The following TOX2 variants were observed in gnomAD, a reference collection of about 807,000 sequenced individuals.
TOX2 encodes granulosa cell HMG box 1.
A neutral mutation model predicts 47.4 loss-of-function variants in TOX2; 15 were observed. The observed-to-expected ratio is 0.32, with a 90% CI of 0.21 to 0.49. TOX2 has a LOEUF of 0.49. Ranked by LOEUF, TOX2 falls within the 20% of genes least tolerant of loss-of-function variation. TOX2 has a pLI of 0.99. For synonymous variants in TOX2, 290 were observed against 296.6 expected (o/e 0.98, Z 0.23); for missense variants, 622 against 673.1 (o/e 0.92, Z 0.84).
chr20:44,065,923 C>T lies in TOX2; in HGVS notation c.1172C>T (p.Pro391Leu), dbSNP rs755262112. ...CTGCCAGGCCTCAGTGCGTCCCCGC[C>T]GCCGCCACCCTCCTTCCCGCTCAGC... is the stretch of plus-strand genomic sequence containing the variant. ...SLLPGLSASP[P>L]PPPSFPLSPT... The change falls in exon 7 of 9, where the codon CCG (proline) becomes CTG (leucine). Residue 391 changes from proline to leucine, a missense_variant. By Grantham distance (98) the Pro-to-Leu change is moderately conservative. Around this residue, in one of 3 missense-constraint regions of TOX2, gnomAD observed 294 missense variants for 300.0 expected, o/e 0.98. Transcript: ENST00000341197. 3.0e-5 allele frequency: 48 copies of T among 1,611,450 alleles called. No homozygotes were observed. The highest frequency in any genetic ancestry group is 2.7e-4 in the Admixed American group (16 of 59,852).
chr20:44,015,091 T>G (rs1275062092), intron 3 of TOX2, among the ~76,000 whole-genome samples: 1 of 151,956 alleles, frequency 6.6e-6, no homozygotes, highest in Non-Finnish European at 1.5e-5. Flanking sequence ...GTGCCATGCT[T>G]TTGTCTAACG....
rs932167662 is a variant in TOX2, at chr20:43,916,023, C to T, written c.99+1033C>T. 7.9e-6 allele frequency: 6 copies of T among 762,696 alleles called. No individual in the cohort carries two copies. The highest frequency in any genetic ancestry group is 9.6e-6 in the Non-Finnish European group (6 of 626,682). 47.2% of individuals were successfully genotyped at this position (762,696 alleles called of 1,614,324 possible). A position where few individuals can be genotyped will look rare whatever the true frequency, so the allele number is the denominator to read the frequency against. ...CTAAGCAGTCCGCGTCCCCTTCGGT[C>T]GCCGGAGAGGGAACTTTCAAACTTA... On this transcript the variant is annotated intron_variant, in intron 1 of 8. Coordinates refer to ENST00000341197, the MANE Select transcript of TOX2 (RefSeq NM_001098797.2). The surrounding 1 kb of genome is among the most constrained non-coding windows in gnomAD (Gnocchi z 5.0).
rs938850983 is a variant in TOX2 at position 44,069,521 on chromosome 20, CGTTTGCAGCT to C, written c.*840_*849del. The C allele has an allele frequency of 2.6e-5, 4 of 152,762 alleles. No individual in the cohort carries two copies. The highest frequency in any genetic ancestry group is 2.6e-4 in the Admixed American group (4 of 15,288). The allele number at this position is 152,762 out of a possible 1,614,324, so 9.5% of individuals were successfully genotyped here. ...TCGTTTGGGTTTGGGTTCTTGACGT[CGTTTGCAGCT>C]GTTTCCTGGCCCTGGCGAGTGTCTG... On this transcript the variant is annotated 3_prime_UTR_variant, in exon 9 of 9. Coordinates refer to ENST00000341197, the MANE Select transcript of TOX2 (RefSeq NM_001098797.2).
In TOX2 at chr20:44,045,041, T is replaced by C. The variant is rs1009422481; in HGVS notation, c.412-6265T>C. ...AAGAATACTGTGTGATTCCACTTGT[T>C]TGAGGTACCTGGAGTAGTCATAGTT... On this transcript the variant is annotated intron_variant, in intron 3 of 8. Transcript: ENST00000341197. Among the ~76,000 whole-genome samples the C allele has an allele frequency of 2.0e-5, 3 of 152,190 alleles. No individual in the cohort carries two copies. In the East Asian group the frequency reaches 5.8e-4, roughly 29 times the overall value.
At chr20:43,952,884 C>A (rs2069604971) in intron 1 of TOX2, among the ~76,000 whole-genome samples, 1 of 152,046 alleles carries the variant, frequency 6.6e-6, no homozygotes, top group African/African-American at 2.4e-5. Context: ...GTGTATGTTA[C>A]TTTAAATGGC....
intron 4 of TOX2, 80 bp downstream of exon 4, chr20:44,051,625 C>G (rs2071513964): frequency 6.6e-7 from 1 of 1,507,856 alleles, no homozygotes; most frequent in Non-Finnish European, 8.9e-7. Flanking sequence ...TGGGCATCAC[C>G]TCCCTCTAGT....
In TOX2 at chr20:44,032,503, G is replaced by A. The variant is rs190035444; in HGVS notation, c.412-18803G>A. ...AGTGCTGAAGGAAGAGCAAGTGGGG[G>A]TGGATGTGATGGAGAGGGGTGATGG... On this transcript the variant is annotated intron_variant, in intron 3 of 8. Transcript: ENST00000341197. 5.9e-5 allele frequency among the ~76,000 whole-genome samples: 9 copies of A among 152,336 alleles called. No individual in the cohort carries two copies. In the East Asian group the frequency reaches 7.7e-4, roughly 13 times the overall value.
intron 1 of TOX2, among the ~76,000 whole-genome samples, chr20:43,950,615 A>C (rs748138904): frequency 3.3e-5 from 5 of 151,584 alleles, no homozygotes; most frequent in Non-Finnish European, 7.4e-5. Flanking sequence ...CAACACATCT[A>C]CTTGGCTCAC....
chr20:43,996,307 G>C (rs2070479041), intron 2 of TOX2, among the ~76,000 whole-genome samples: 1 of 152,218 alleles, frequency 6.6e-6, no homozygotes, highest in Non-Finnish European at 1.5e-5. Context: ...GGTTTTACTT[G>C]TTAAAATGGC....
chr20:44,034,914 C>G (rs2071215585), intron 3 of TOX2, among the ~76,000 whole-genome samples: 1 of 152,248 alleles, frequency 6.6e-6, no homozygotes, highest in South Asian at 2.1e-4. Flanking sequence ...CACCTTCACT[C>G]TGCTCAATCC....
intron 1 of TOX2, among the ~76,000 whole-genome samples, chr20:43,917,160 A>G (rs2069064401): frequency 2.0e-5 from 3 of 152,158 alleles, no homozygotes; most frequent in Admixed American, 2.0e-4. Context: ...CCTTCAGGCT[A>G]GAGCAGGGTG....
chr20:43,955,877 C>T (rs765065494), intron 1 of TOX2, among the ~76,000 whole-genome samples: 1 of 152,226 alleles, frequency 6.6e-6, no homozygotes, highest in Non-Finnish European at 1.5e-5. Context: ...ACCCATTCTC[C>T]ACCCAGAAGC....
At chr20:44,035,180 T>A (rs2071219646) in intron 3 of TOX2, among the ~76,000 whole-genome samples, 1 of 152,216 alleles carries the variant, frequency 6.6e-6, no homozygotes, top group Non-Finnish European at 1.5e-5. Context: ...GCCAGAGTGG[T>A]TCCATCGGGC....
chr20:43,973,345 T>A, intron 1 of TOX2, 22 bp from the exon 2 acceptor site: 1 of 1,613,170 alleles, frequency 6.2e-7, no homozygotes, highest in Non-Finnish European at 8.5e-7. Context: ...CAGAGCTGCT[T>A]CTCCCTCTCT....
intron 4 of TOX2, among the ~76,000 whole-genome samples, chr20:44,053,831 A>G (rs1376214852): frequency 6.7e-6 from 1 of 148,822 alleles, no homozygotes; most frequent in Non-Finnish European, 1.5e-5. Flanking sequence ...GTAAAAGAAG[A>G]TGTTACCTTG....
intron 1 of TOX2, among the ~76,000 whole-genome samples, chr20:43,943,117 ACCTGCCGCAG>A (rs1225044180): frequency 6.6e-6 from 1 of 151,804 alleles, no homozygotes; most frequent in Non-Finnish European, 1.5e-5. Context: ...AGGCAGGTGC[ACCTGCCGCAG>A]CCCTGCCTTC....
In TOX2 at chr20:43,914,927, G is replaced by A. The variant is rs1389265493; in HGVS notation, c.36G>A (p.Val12=). 11 of 1,185,374 alleles carry A rather than the reference G, an allele frequency of 9.3e-6. No individual in the cohort carries two copies. The highest frequency in any genetic ancestry group is 1.1e-5 in the Non-Finnish European group (11 of 959,934). 73.4% of individuals were successfully genotyped at this position (1,185,374 alleles called of 1,614,324 possible). A position where few individuals can be genotyped will look rare whatever the true frequency, so the allele number is the denominator to read the frequency against. ...GCCTGTACCCCTCGGCGCCCGCGGTGGGCGCGCGGCCCGGGGCCGAGCCGG... is the reference window on the plus strand; with the variant it reads ...GCCTGTACCCCTCGGCGCCCGCGGTAGGCGCGCGGCCCGGGGCCGAGCCGG... The part of the protein sequence containing the change: ...DVRLYPSAPA[V]GARPGAEPAG... Residue 12 remains valine (V), a synonymous_variant, in exon 1 of 9, where the codon GTG becomes GTA. Transcript: ENST00000341197. The surrounding 1 kb of genome is among the most constrained non-coding windows in gnomAD (Gnocchi z 4.5).
intron 1 of TOX2, among the ~76,000 whole-genome samples, chr20:43,951,726 T>TTTTTTTTTTTTTTTTTTTTTTTTTG: frequency 7.0e-6 from 1 of 142,492 alleles, no homozygotes; most frequent in East Asian, 2.0e-4. Context: ...TTTTTTTTTT[T>TTTTTTTTTTTTTTTTTTTTTTTTTG]TTAGAGAAAG....
intron 3 of TOX2, among the ~76,000 whole-genome samples, chr20:44,046,110 G>A (rs542553412): frequency 1.4e-3 from 215 of 152,324 alleles, no homozygotes; most frequent in African/African-American, 4.8e-3. Flanking sequence ...TTAGAAACCA[G>A]TATCTACCTA....
Sources: allele counts gnomAD v4.1 joint callset (sites outside exome capture counted in the v4.1 genomes callset), GRCh38; gene constraint gnomAD v4.1.1; regional missense constraint gnomAD v4.1.1; non-coding constraint Gnocchi (gnomAD v3.1); transcripts MANE v1.5; gene names NCBI Gene and HGNC (gene_info 2026-07-23, HGNC 2026-07-21).